The following CHD1 variants were observed in gnomAD, a reference collection of about 807,000 sequenced individuals.
CHD1 encodes the protein chromodomain helicase DNA binding protein 1, also known as ATP-dependent chromatin remodeler CHD1.
Under a neutral mutation model 224.2 loss-of-function variants are expected in CHD1, and 36 were observed. That is an observed-to-expected ratio of 0.16 (90% CI 0.12 to 0.21). The LOEUF (loss-of-function observed/expected upper bound fraction) is 0.21. Ranked by LOEUF, CHD1 falls within the 10% of genes least tolerant of loss-of-function variation. The pLI, the probability that CHD1 is intolerant of heterozygous loss-of-function variation, is 1.00. For synonymous variants in CHD1, 668 were observed against 658.3 expected, an observed-to-expected ratio of 1.01 and a Z score of -0.23; for missense variants, 1,378 against 1,994.8, an observed-to-expected ratio of 0.69 and a Z score of 5.89.
At chr5:98,900,441 C>CTT (rs766270530) in intron 7 of CHD1, among the ~76,000 whole-genome samples, 4 of 140,964 alleles carry the variant, frequency 2.8e-5, no homozygotes, top group African/African-American at 7.8e-5. Flanking sequence ...AATACTTTAC[C>CTT]TTTTTTTTTT....
intron 32 of CHD1, 67 bp from the exon 33 acceptor site, chr5:98,860,135 A>G: frequency 2.4e-6 from 2 of 827,742 alleles, no homozygotes; most frequent in Non-Finnish European, 4.1e-6. Context: ...TTTTCATGGA[A>G]CTCCTTCCCT....
intron 2 of CHD1, among the ~76,000 whole-genome samples, chr5:98,923,250 C>G (rs1455959467): frequency 6.6e-6 from 1 of 152,006 alleles, no homozygotes. Context: ...TGATAAACTC[C>G]AAGGCAGTTG....
intron 24 of CHD1, 66 bp from the exon 25 acceptor site, chr5:98,875,179 A>C: frequency 1.2e-6 from 1 of 859,274 alleles, no homozygotes; most frequent in Non-Finnish European, 1.9e-6. Flanking sequence ...CGTATTTCTG[A>C]TATTTACAGA....
rs1554078856 is a variant in CHD1 at position 98,897,307 on chromosome 5, C to T, written c.1379G>A (p.Arg460Lys). 6.2e-7 allele frequency: 1 copy of T among 1,601,920 alleles called. No individual in the cohort carries two copies. The highest frequency in any genetic ancestry group is 1.3e-5 in the African/African-American group (1 of 74,392). The change falls in exon 11 of 36, where the codon AGG becomes AAG. Residue 460 changes from arginine (R) to lysine (K), a missense_variant. By Grantham distance (26) the Arg-to-Lys change is conservative. Transcript: ENST00000614616. ...CTTCTTCAGGGCTACAAACCTTGGC[C>T]TTTGTTTTAATACCTTTAGTAGAAA... ...PFKDCKVLKQ[R>K]PRFVALKKQP... is the part of the protein sequence containing the mutation.
At chr5:98,892,778 C>CT (rs200379150) in intron 14 of CHD1, 65 bp from the exon 15 acceptor site, 15,626 of 923,268 alleles carry the variant, frequency 0.017, no homozygotes, top group South Asian at 0.02. Context: ...TGTGTATGAA[C>CT]TTTTTTTTTT....
In CHD1 at chr5:98,881,245, G is replaced by A. The variant is rs749208354; in HGVS notation, c.2964+34C>T. The A allele has an allele frequency of 3.9e-6, 5 of 1,267,466 alleles. No individual in the cohort carries two copies. In the South Asian group the frequency reaches 7.1e-5, roughly 18 times the overall value. The allele number at this position is 1,267,466 out of a possible 1,614,324, so 78.5% of individuals were successfully genotyped here. A position where few individuals can be genotyped will look rare whatever the true frequency, so the allele number is the denominator to read the frequency against. On this transcript the variant is annotated intron_variant, in intron 21 of 35. Transcript: ENST00000614616. ...GTCAAATATATGACACATATTCTGA[G>A]GCAGGCCTTTTTTTTTTTTTTTTTT...
chr5:98,884,471 T>C (rs985587524), intron 18 of CHD1, among the ~76,000 whole-genome samples: 1 of 151,790 alleles, frequency 6.6e-6, no homozygotes, highest in African/African-American at 2.4e-5. Context: ...GGATGCAAAG[T>C]AATAAGAATG....
At chr5:98,915,825 T>C (rs532142322) in intron 2 of CHD1, among the ~76,000 whole-genome samples, 50 of 152,354 alleles carry the variant, frequency 3.3e-4, no homozygotes, top group Admixed American at 6.5e-4. Flanking sequence ...ATTTTACTAC[T>C]GTCAGTACTT....
intron 2 of CHD1, 150 bp downstream of exon 2, chr5:98,926,184 G>C: frequency 2.0e-6 from 1 of 503,054 alleles, no homozygotes; most frequent in South Asian, 3.2e-5. Context: ...TCGTATATCA[G>C]AATTTTTTTA....
Position 98,868,564 on chromosome 5 carries a change from G to T in CHD1, c.4179C>A (p.Ile1393=). ...TGGGAACTGGTTCACCACTTGCCGTGATATGAACTGGAGCATCTGACACTG... is the reference window on the plus strand; with the variant it reads ...TGGGAACTGGTTCACCACTTGCCGTTATATGAACTGGAGCATCTGACACTG... ...KSSVSDAPVH[I]TASGEPVPIS... is the part of the protein sequence containing the mutation. The change falls in exon 31 of 36, where the codon ATC becomes ATA. Residue 1393 remains isoleucine (I), a synonymous_variant. Coordinates refer to ENST00000614616, the MANE Select transcript of CHD1 (RefSeq NM_001270.4). The T allele has an allele frequency of 3.7e-6, 6 of 1,612,436 alleles. No homozygotes were observed. The highest frequency in any genetic ancestry group is 5.1e-6 in the Non-Finnish European group (6 of 1,179,556).
rs574295799 is a variant in CHD1, at chr5:98,876,053, ATTAGTAACT to A, written c.3398+336_3398+344del. On this transcript the variant is annotated intron_variant, in intron 24 of 35. Transcript: ENST00000614616. ...GAAAAATACAGAATTTCCACAAAAA[ATTAGTAACT>A]TTGGGAGTCATAAACACCGTGAGAA... Among the ~76,000 whole-genome samples the A allele has an allele frequency of 1.3e-3, 196 of 152,194 alleles. 4 individuals carry two copies. The highest frequency in any genetic ancestry group is 4.4e-4 in the Non-Finnish European group (30 of 68,016).
chr5:98,916,608 T>C (rs966482239), intron 2 of CHD1, among the ~76,000 whole-genome samples: 3 of 148,664 alleles, frequency 2.0e-5, no homozygotes, highest in African/African-American at 7.4e-5. Flanking sequence ...ATTACTTTAA[T>C]GAATACTGCC....
At chr5:98,906,761 CTCTT>C (rs1752074998) in intron 2 of CHD1, among the ~76,000 whole-genome samples, 1 of 152,212 alleles carries the variant, frequency 6.6e-6, no homozygotes, top group Admixed American at 6.5e-5. Context: ...AAAAGAGTAT[CTCTT>C]TCTTTTGAGG....
At chr5:98,882,188 C>A in intron 19 of CHD1, 65 bp from the exon 20 acceptor site, 2 of 1,365,076 alleles carry the variant, frequency 1.5e-6, no homozygotes, top group South Asian at 1.3e-5. Flanking sequence ...ACCTCAAGTG[C>A]CTAAACACTG....
At chr5:98,895,743 A>G (rs528898935) in intron 12 of CHD1, among the ~76,000 whole-genome samples, 69 of 151,192 alleles carry the variant, frequency 4.6e-4, no homozygotes, top group Non-Finnish European at 6.8e-4. Flanking sequence ...ACAGAGTGAA[A>G]ACAAAAAAAA....
intron 11 of CHD1, 130 bp downstream of exon 11, chr5:98,897,063 G>A: frequency 2.5e-6 from 2 of 802,512 alleles, no homozygotes; most frequent in East Asian, 5.3e-5. Flanking sequence ...ATACAAACTA[G>A]GAAATACAAA....
At chr5:98,884,367 C>A (rs1750487498) in intron 18 of CHD1, among the ~76,000 whole-genome samples, 2 of 152,226 alleles carry the variant, frequency 1.3e-5, no homozygotes, top group South Asian at 4.1e-4. Flanking sequence ...AGCCACCACG[C>A]CCAGCCTGGA....
intron 15 of CHD1, among the ~76,000 whole-genome samples, chr5:98,891,399 A>G (rs144134802): frequency 4.4e-4 from 67 of 152,286 alleles, no homozygotes; most frequent in African/African-American, 1.6e-3. Flanking sequence ...TTTAAAAATC[A>G]ATTATTAGAA....
intron 19 of CHD1, among the ~76,000 whole-genome samples, chr5:98,882,630 A>G (rs1282768489): frequency 6.6e-6 from 1 of 152,104 alleles, no homozygotes; most frequent in Non-Finnish European, 1.5e-5. Context: ...AATTTTCCCT[A>G]TTTCTCTAGG....
Sources: gnomAD v4.1 joint callset for allele counts (sites outside exome capture counted in the v4.1 genomes callset) on GRCh38, gnomAD v4.1.1 for gene constraint, MANE v1.5 for transcripts, NCBI Gene and HGNC (gene_info 2026-07-23, HGNC 2026-07-21) for gene names.